The following ENOX1 variants were observed in gnomAD, a reference collection of about 807,000 sequenced individuals.
The protein encoded by ENOX1 is ecto-NOX disulfide-thiol exchanger 1, also known as candidate growth-related and time keeping constitutive hydroquinone (NADH) oxidase.
In ENOX1, 42 loss-of-function variants were observed where a neutral mutation model predicts 82.5. That is an observed-to-expected ratio of 0.51 (90% CI 0.40 to 0.66). The LOEUF is 0.66. Ranked by LOEUF, ENOX1 falls within the 30% of genes least tolerant of loss-of-function variation. The pLI, the probability that ENOX1 is intolerant of heterozygous loss-of-function variation, is 0.00. For missense variants in ENOX1, 608 were observed against 811.6 expected, an observed-to-expected ratio of 0.75 and a Z score of 3.05; for synonymous variants, 271 against 282.2, an observed-to-expected ratio of 0.96 and a Z score of 0.40.
chr13:43,243,295 C>A (rs571519078), intron 14 of ENOX1, among the ~76,000 whole-genome samples: 1 of 152,310 alleles, frequency 6.6e-6, no homozygotes, highest in East Asian at 1.9e-4. Context: ...CATTCTTCCA[C>A]TTGCTGGCGC....
chr13:43,261,014 G>T (rs567709637), intron 14 of ENOX1, among the ~76,000 whole-genome samples: 1 of 152,184 alleles, frequency 6.6e-6, no homozygotes, highest in Non-Finnish European at 1.5e-5. Context: ...TGCAGTTGAC[G>T]TCAGTTTCTG....
At chr13:43,604,683 G>A (rs2081899986) in intron 2 of ENOX1, among the ~76,000 whole-genome samples, 1 of 152,120 alleles carries the variant, frequency 6.6e-6, no homozygotes, top group African/African-American at 2.4e-5. Flanking sequence ...ACTTGGTCAT[G>A]ATGAATGATC....
chr13:43,415,936 G>C (rs1373263465), intron 3 of ENOX1, among the ~76,000 whole-genome samples: 1 of 146,872 alleles, frequency 6.8e-6, no homozygotes, highest in African/African-American at 2.5e-5. Flanking sequence ...TCAGTTCCCA[G>C]ATGGGGTGGC....
intron 8 of ENOX1, among the ~76,000 whole-genome samples, chr13:43,346,141 T>G (rs189975374): frequency 6.6e-6 from 1 of 152,292 alleles, no homozygotes; most frequent in African/African-American, 2.4e-5. Flanking sequence ...CAAACATCTT[T>G]AGTATCTTTT....
chr13:43,558,039 G>C (rs755967651), intron 2 of ENOX1, among the ~76,000 whole-genome samples: 6 of 152,060 alleles, frequency 3.9e-5, no homozygotes, highest in Non-Finnish European at 8.8e-5. Context: ...ACTTAGAGGG[G>C]TCCCATCCAT....
chr13:43,725,021 C>T (rs757367432), intron 1 of ENOX1, among the ~76,000 whole-genome samples: 3 of 152,092 alleles, frequency 2.0e-5, no homozygotes, highest in Non-Finnish European at 4.4e-5. Flanking sequence ...CCACGGAATA[C>T]CCTGTTATTG....
At chr13:43,758,842 T>C (rs1332334451) in intron 1 of ENOX1, among the ~76,000 whole-genome samples, 1 of 152,196 alleles carries the variant, frequency 6.6e-6, no homozygotes, top group Non-Finnish European at 1.5e-5. Context: ...ATTCAATAAA[T>C]GTTACTGTTG....
intron 2 of ENOX1, among the ~76,000 whole-genome samples, chr13:43,542,131 GTCT>G (rs751037547): frequency 4.6e-5 from 7 of 152,090 alleles, no homozygotes; most frequent in Non-Finnish European, 7.4e-5. Context: ...AAGCATAAGT[GTCT>G]TCTTCTTTTT....
rs114934444 is a variant in ENOX1 at position 43,634,055 on chromosome 13, T to G, written c.-219+33424A>C. ...CACTTTGTGTGTCTGTATGTTTATT[T>G]ACTGTTGAACTGGCAGAAAGTTATT... On this transcript the variant is annotated intron_variant, in intron 2 of 16. Coordinates refer to ENST00000690772, the MANE Select transcript of ENOX1 (RefSeq NM_001347969.2). Among the ~76,000 whole-genome samples the G allele has an allele frequency of 6.7e-3, 1,021 of 152,312 alleles. 9 individuals carry two copies. Among genetic ancestry groups the G allele is most frequent in the African/African-American group, 0.024 (987 of 41,560 alleles).
chr13:43,482,806 TTC>T (rs956384497), intron 3 of ENOX1, among the ~76,000 whole-genome samples: 16 of 152,296 alleles, frequency 1.1e-4, no homozygotes, highest in African/African-American at 3.6e-4. Context: ...TTCCCAGCAC[TTC>T]TGTTTCTATG....
At chr13:43,544,449 T>C (rs1173302978) in intron 2 of ENOX1, 1 of 152,106 alleles carries the variant, frequency 6.6e-6, no homozygotes, top group African/African-American at 2.4e-5. Flanking sequence ...ACCTCATATA[T>C]AAGCAGGCCT....
intron 3 of ENOX1, among the ~76,000 whole-genome samples, chr13:43,442,575 T>C (rs138322681): frequency 1.1e-4 from 16 of 152,166 alleles, no homozygotes; most frequent in Non-Finnish European, 2.2e-4. Flanking sequence ...GCTCTGAATT[T>C]GGGCAGTCTG....
intron 3 of ENOX1, among the ~76,000 whole-genome samples, chr13:43,456,830 A>G (rs9525776): frequency 0.61 from 92,585 of 151,882 alleles, 28,355 homozygotes; most frequent in Non-Finnish European, 0.64. Context: ...CCTGGCAATC[A>G]ATTCTCCTTT....
At chr13:43,647,354 A>C (rs2083942017) in intron 2 of ENOX1, among the ~76,000 whole-genome samples, 1 of 152,184 alleles carries the variant, frequency 6.6e-6, no homozygotes, top group Admixed American at 6.5e-5. Context: ...TGCTACCACT[A>C]CAACTGCTTT....
chr13:43,268,178 A>G (rs2044490481), intron 13 of ENOX1, among the ~76,000 whole-genome samples: 1 of 152,200 alleles, frequency 6.6e-6, no homozygotes, highest in Non-Finnish European at 1.5e-5. Flanking sequence ...AAGAAAAAAA[A>G]TCGGGGTGAG....
chr13:43,713,498 C>T (rs1159227893), intron 1 of ENOX1, among the ~76,000 whole-genome samples: 1 of 152,016 alleles, frequency 6.6e-6, no homozygotes, highest in Non-Finnish European at 1.5e-5. Flanking sequence ...GTACCAGTTC[C>T]TCCTTGTACC....
intron 8 of ENOX1, among the ~76,000 whole-genome samples, chr13:43,351,189 T>C (rs1164651680): frequency 2.6e-5 from 4 of 152,156 alleles, no homozygotes; most frequent in Non-Finnish European, 5.9e-5. Context: ...AAGTCTCCTT[T>C]TCCTGGCTGC....
chr13:43,504,540 T>C (rs964940505), intron 2 of ENOX1, among the ~76,000 whole-genome samples: 1 of 151,868 alleles, frequency 6.6e-6, no homozygotes, highest in Middle Eastern at 3.4e-3. Flanking sequence ...CTGGAAGACA[T>C]TATGCTCAGT....
intron 1 of ENOX1, among the ~76,000 whole-genome samples, chr13:43,676,516 CTA>C (rs1566751968): frequency 6.6e-6 from 1 of 152,168 alleles, no homozygotes; most frequent in Non-Finnish European, 1.5e-5. Flanking sequence ...GTGTCCGCCT[CTA>C]TGTTTGTCCC....
Sources: allele counts gnomAD v4.1 joint callset (sites outside exome capture counted in the v4.1 genomes callset), GRCh38; gene constraint gnomAD v4.1.1; transcripts MANE v1.5; gene names NCBI Gene and HGNC (gene_info 2026-07-23, HGNC 2026-07-21).